Variants in PIP4K2A observed in about 807,000 individuals in gnomAD.
The protein encoded by PIP4K2A is phosphatidylinositol 5-phosphate 4-kinase type-2 alpha.
In PIP4K2A, 14 loss-of-function variants were observed where a neutral mutation model predicts 42.9. The observed-to-expected ratio is 0.33, with a 90% confidence interval of 0.22 to 0.51. The LOEUF (loss-of-function observed/expected upper bound fraction) is 0.51, where lower values mean the gene tolerates loss of function less well. PIP4K2A is among the 20% of genes least tolerant of loss of function. PIP4K2A has a pLI of 0.97. For missense variants in PIP4K2A, 434 were observed against 519.8 expected (o/e 0.83, Z 1.61); for synonymous variants, 192 against 192.2 (o/e 1.00, Z 0.01).
chr10:22,570,538 G>A (rs1836959686), intron 5 of PIP4K2A, among the ~76,000 whole-genome samples: 1 of 152,212 alleles, frequency 6.6e-6, no homozygotes, highest in Non-Finnish European at 1.5e-5. Context: ...GACAGGACAG[G>A]ACAAGGGTGT....
chr10:22,553,571 AT>A (rs1836462291), intron 6 of PIP4K2A, among the ~76,000 whole-genome samples: 1 of 152,156 alleles, frequency 6.6e-6, no homozygotes, highest in Non-Finnish European at 1.5e-5. Context: ...AGATCATGCA[AT>A]TTAACTAAGG....
chr10:22,660,471 AAAAAAAT>A (rs1157186031), intron 1 of PIP4K2A, among the ~76,000 whole-genome samples: 1 of 152,120 alleles, frequency 6.6e-6, no homozygotes, highest in East Asian at 1.9e-4. Flanking sequence ...ACTCCATCTC[AAAAAAAT>A]AAAAAATAAA....
intron 6 of PIP4K2A, among the ~76,000 whole-genome samples, chr10:22,551,928 T>C (rs1836420463): frequency 6.6e-6 from 1 of 152,176 alleles, no homozygotes; most frequent in African/African-American, 2.4e-5. Context: ...TTATAAAGTA[T>C]AGACATGCAT....
chr10:22,713,637 C>A (rs1157199337), intron 1 of PIP4K2A, among the ~76,000 whole-genome samples: 1 of 152,234 alleles, frequency 6.6e-6, no homozygotes, highest in Non-Finnish European at 1.5e-5. Context: ...GACCTAAGCA[C>A]TAAAGCTGCT....
intron 1 of PIP4K2A, among the ~76,000 whole-genome samples, chr10:22,705,017 T>C (rs1833791267): frequency 6.6e-6 from 1 of 151,802 alleles, no homozygotes; most frequent in South Asian, 2.1e-4. Flanking sequence ...TTAGATGGGA[T>C]GGTGGGAAGA....
intron 4 of PIP4K2A, among the ~76,000 whole-genome samples, chr10:22,583,708 T>C (rs1837328454): frequency 6.6e-6 from 1 of 152,154 alleles, no homozygotes; most frequent in Non-Finnish European, 1.5e-5. Flanking sequence ...TTCCCAAACA[T>C]TGCAGAGGTG....
intron 1 of PIP4K2A, among the ~76,000 whole-genome samples, chr10:22,640,210 A>G (rs1838752395): frequency 6.6e-6 from 1 of 152,182 alleles, no homozygotes; most frequent in Non-Finnish European, 1.5e-5. Context: ...ATTTTAGAAT[A>G]TTGAAAGAAA....
At chr10:22,659,531 G>A (rs1233906179) in intron 1 of PIP4K2A, 5 of 152,306 alleles carry the variant, frequency 3.3e-5, no homozygotes, top group Non-Finnish European at 7.3e-5. Context: ...TGTGCCACAG[G>A]AGTTGAGAGG....
intron 1 of PIP4K2A, 77 bp from the exon 2 acceptor site, chr10:22,609,794 G>GA (rs893396547): frequency 1.4e-4 from 113 of 808,120 alleles, no homozygotes; most frequent in East Asian, 6.0e-4. Context: ...TGTACCTTGG[G>GA]AAAAAAAACA....
chr10:22,645,408 A>G (rs1034737659), intron 1 of PIP4K2A, among the ~76,000 whole-genome samples: 3 of 152,046 alleles, frequency 2.0e-5, no homozygotes, highest in African/African-American at 7.2e-5. Context: ...TTAGCCAGCC[A>G]TGGTGGCAGG....
intron 4 of PIP4K2A, among the ~76,000 whole-genome samples, chr10:22,582,891 T>TAAAAAA (rs57477195): frequency 4.2e-5 from 5 of 118,678 alleles, no homozygotes; most frequent in African/African-American, 9.3e-5. Context: ...CGTCTTGAAG[T>TAAAAAA]AAAAAAAAAA....
chr10:22,611,403 AAAC>A (rs201397447), intron 1 of PIP4K2A, among the ~76,000 whole-genome samples: 67 of 84,124 alleles, frequency 8.0e-4, no homozygotes, highest in African/African-American at 1.6e-3. Flanking sequence ...AACAAAAAAC[AAAC>A]AACAACAACA....
At chr10:22,578,869 A>T (rs112193811) in intron 4 of PIP4K2A, among the ~76,000 whole-genome samples, 3 of 152,170 alleles carry the variant, frequency 2.0e-5, no homozygotes, top group Non-Finnish European at 2.9e-5. Flanking sequence ...GCAAATAATT[A>T]AAAAAACCCA....
chr10:22,700,647 G>T (rs1383587650), intron 1 of PIP4K2A, among the ~76,000 whole-genome samples: 2 of 152,160 alleles, frequency 1.3e-5, no homozygotes, highest in African/African-American at 4.8e-5. Context: ...CAATACTGAC[G>T]TCAGCCCCCA....
At chr10:22,639,848 C>A (rs181963263) in intron 1 of PIP4K2A, among the ~76,000 whole-genome samples, 1 of 152,074 alleles carries the variant, frequency 6.6e-6, no homozygotes, top group African/African-American at 2.4e-5. Flanking sequence ...TCTTCAGCCA[C>A]GTAAATTCAC....
Position 22,541,807 on chromosome 10 carries a change from C to T in PIP4K2A, c.1033G>A (p.Glu345Lys), listed in dbSNP as rs1353474505. 1.4e-5 allele frequency: 22 copies of T among 1,541,188 alleles called. No individual in the cohort carries two copies. Among genetic ancestry groups the T allele is most frequent in the Non-Finnish European group, 1.9e-5 (22 of 1,146,186 alleles). The change falls in exon 8 of 10, where the codon GAA becomes AAA. Residue 345 changes from glutamate (E) to lysine (K), a missense_variant. Glu to Lys is a moderately conservative substitution (Grantham distance 56, BLOSUM62 1). Around this residue, in one of 2 missense-constraint regions of PIP4K2A, gnomAD observed 395 missense variants for 444.5 expected, o/e 0.89. Transcript: ENST00000376573. ...NIDVYGIKCH[E>K]NSPRKEVYFM... ...GGTCCACAGTAATCAAACTTACTTT[C>T]ATGGCACTTAATTCCATAGACGTCG...
At chr10:22,553,862 G>A (rs1479324404) in intron 6 of PIP4K2A, among the ~76,000 whole-genome samples, 3 of 149,928 alleles carry the variant, frequency 2.0e-5, no homozygotes, top group East Asian at 3.9e-4. Context: ...TAGGCTGGGC[G>A]TGGCGGCTCA....
rs558453625 is a variant in PIP4K2A, at chr10:22,600,822, C to T, written c.339+7105G>A. On this transcript the variant is annotated intron_variant, in intron 3 of 9. Transcript: ENST00000376573. ...TCATCATCAAGGATTTATTAAATGC[C>T]CACTGTGTTCAAAGCCCTGTGTTAA... 7.9e-5 allele frequency among the ~76,000 whole-genome samples: 12 copies of T among 152,086 alleles called. No individual in the cohort carries two copies. In the South Asian group the frequency reaches 2.5e-3, roughly 32 times the overall value.
At chr10:22,582,449 AT>A (rs1412917598) in intron 4 of PIP4K2A, among the ~76,000 whole-genome samples, 5 of 152,206 alleles carry the variant, frequency 3.3e-5, no homozygotes, top group Non-Finnish European at 7.3e-5. Context: ...ATAGATAAAT[AT>A]TTATATCTCC....
Sources: gnomAD v4.1 joint callset for allele counts (sites outside exome capture counted in the v4.1 genomes callset) on GRCh38, gnomAD v4.1.1 for gene constraint, gnomAD v4.1.1 regional missense constraint, MANE v1.5 for transcripts, NCBI Gene and HGNC (gene_info 2026-07-23, HGNC 2026-07-21) for gene names.